SLC8A1: variants seen among roughly 807,000 people sequenced by gnomAD.
SLC8A1 encodes the protein sodium/calcium exchanger 1.
In SLC8A1, 18 loss-of-function variants were observed where a neutral mutation model predicts 68.3. The ratio of observed to expected loss-of-function variants is 0.26; its 90% CI spans 0.18 to 0.39. The LOEUF is 0.39. Among genes scored for constraint, SLC8A1 ranks in the 10% least tolerant of loss-of-function variants. The probability of loss-of-function intolerance (pLI) is 1.00; values close to 1 mark genes in which losing one functional copy is unlikely to be tolerated. For missense variants in SLC8A1, 985 were observed against 1,156.7 expected (o/e 0.85, Z 2.15); for synonymous variants, 475 against 415.5 (o/e 1.14, Z -1.74).
chr2:40,155,782 T>C (rs2044359239), intron 6 of SLC8A1, among the ~76,000 whole-genome samples: 1 of 152,194 alleles, frequency 6.6e-6, no homozygotes, highest in African/African-American at 2.4e-5. Flanking sequence ...GTATCCATAT[T>C]GGACTGGTGG....
intron 6 of SLC8A1, among the ~76,000 whole-genome samples, chr2:40,148,395 TA>T (rs371759841): frequency 1.3e-5 from 2 of 152,326 alleles, no homozygotes; most frequent in African/African-American, 4.8e-5. Flanking sequence ...AACACTCTCA[TA>T]ACTCTTTTCC....
At position 40,441,547 on chromosome 2, in the gene SLC8A1, G is replaced by A. The variant is rs977222486; in HGVS notation, c.-25+10357C>T. On this transcript the variant is annotated intron_variant, in intron 1 of 7. Transcript: ENST00000406785. ...AAGACTACAGTAATCAAAACAGTAC[G>A]GTACGGGTACCAAAACAGACATTAT... Among the ~76,000 whole-genome samples, 8 of 151,746 alleles carry A rather than the reference G, an allele frequency of 5.3e-5. No individual in the cohort carries two copies. The South Asian group carries it at 1.0e-3, about 20-fold the overall frequency.
At chr2:40,397,271 T>A (rs1559516909) in intron 2 of SLC8A1, among the ~76,000 whole-genome samples, 1 of 152,212 alleles carries the variant, frequency 6.6e-6, no homozygotes, top group East Asian at 1.9e-4. Flanking sequence ...TGAGCTAATG[T>A]GCCCATTGAT....
intron 2 of SLC8A1, among the ~76,000 whole-genome samples, chr2:40,369,934 T>C (rs1292262512): frequency 6.6e-6 from 1 of 152,128 alleles, no homozygotes; most frequent in African/African-American, 2.4e-5. Flanking sequence ...ATTTATTCTT[T>C]GTTTTTAATA....
intron 1 of SLC8A1, among the ~76,000 whole-genome samples, chr2:40,431,830 C>T (rs1225957447): frequency 6.6e-6 from 1 of 152,098 alleles, no homozygotes; most frequent in African/African-American, 2.4e-5. Flanking sequence ...CTGCAAACTG[C>T]ACCAGTGCCC....
intron 2 of SLC8A1, among the ~76,000 whole-genome samples, chr2:40,200,239 AATATATATATATATATATATATAT>A (rs1205217029): frequency 5.9e-5 from 1 of 16,832 alleles, no homozygotes; most frequent in Admixed American, 1.0e-3. Flanking sequence ...TATATATATA[AATATATATATATATATATATATAT>A]ATATAACCTC....
intron 1 of SLC8A1, among the ~76,000 whole-genome samples, chr2:40,459,812 T>G (rs982319737): frequency 1.3e-5 from 2 of 152,072 alleles, no homozygotes; most frequent in Admixed American, 1.3e-4. Context: ...GGGTCCATCA[T>G]ACCTCCTTTT....
At chr2:40,443,527 G>A (rs1006247204) in intron 1 of SLC8A1, among the ~76,000 whole-genome samples, 5 of 152,138 alleles carry the variant, frequency 3.3e-5, no homozygotes, top group African/African-American at 9.7e-5. Flanking sequence ...TCTTAGATAT[G>A]CTGGGGTATG....
exon 8 of SLC8A1, chr2:40,114,173 G>T (rs909168791): frequency 2.6e-5 from 4 of 152,796 alleles, no homozygotes; most frequent in Non-Finnish European, 4.4e-5. Context: ...CATGCACTGT[G>T]TAACAGGTAT....
rs554802296 is a variant in SLC8A1 at position 40,299,678 on chromosome 2, G to T, written c.1809-121823C>A. Among the ~76,000 whole-genome samples the T allele has an allele frequency of 1.4e-4, 21 of 152,226 alleles. No individual in the cohort carries two copies. The South Asian group carries it at 4.4e-3, about 32-fold the overall frequency. On this transcript the variant is annotated intron_variant, in intron 2 of 7. Transcript: ENST00000406785. ...ATCCTCCCCCACCTTCAATGCCATT[G>T]CTCTATGCTACACCTGCAACAGCTT...
intron 2 of SLC8A1, among the ~76,000 whole-genome samples, chr2:40,335,663 T>C (rs1375812376): frequency 6.6e-6 from 1 of 152,270 alleles, no homozygotes; most frequent in Non-Finnish European, 1.5e-5. Context: ...GTGTTTTCCA[T>C]GGCCCACAGG....
chr2:40,340,775 G>C (rs986455813), intron 2 of SLC8A1, among the ~76,000 whole-genome samples: 1 of 152,120 alleles, frequency 6.6e-6, no homozygotes, highest in Non-Finnish European at 1.5e-5. Flanking sequence ...GTGAGAGTAA[G>C]GAAAACGGAA....
chr2:40,282,776 TA>T (rs1217394697), intron 2 of SLC8A1, among the ~76,000 whole-genome samples: 1 of 152,068 alleles, frequency 6.6e-6, no homozygotes, highest in African/African-American at 2.4e-5. Context: ...GAACAGCTAT[TA>T]AAAGTATCCA....
chr2:40,432,841 C>G (rs568026441), intron 1 of SLC8A1, among the ~76,000 whole-genome samples: 51 of 152,094 alleles, frequency 3.4e-4, no homozygotes, highest in African/African-American at 1.2e-3. Flanking sequence ...AGGGTGGAAA[C>G]AAGGAGACCA....
chr2:40,143,545 G>T (rs529232420), intron 6 of SLC8A1, among the ~76,000 whole-genome samples: 1 of 152,234 alleles, frequency 6.6e-6, no homozygotes, highest in African/African-American at 2.4e-5. Flanking sequence ...ACCTGTATTT[G>T]ATTAACCCTT....
chr2:40,376,583 A>AAACGGG (rs1679939883), intron 2 of SLC8A1, among the ~76,000 whole-genome samples: 2 of 151,910 alleles, frequency 1.3e-5, no homozygotes, highest in Non-Finnish European at 2.9e-5. Context: ...AAAAGAAAGG[A>AAACGGG]AAAGGGAAAG....
chr2:40,332,022 T>G (rs1489760524), intron 2 of SLC8A1, among the ~76,000 whole-genome samples: 1 of 152,050 alleles, frequency 6.6e-6, no homozygotes, highest in Non-Finnish European at 1.5e-5. Flanking sequence ...TGATCACAGT[T>G]CACTGTAACC....
At position 40,413,316 on chromosome 2, in the gene SLC8A1, G is replaced by A. The variant is rs1033982091; in HGVS notation, c.1808+15157C>T. On this transcript the variant is annotated intron_variant, in intron 2 of 7. Coordinates refer to ENST00000406785, the Ensembl canonical transcript of SLC8A1. ...ACACATGCACACATATGTTTATTGCGGCACTATTCACAATAGCAAAGACTT... is the reference window on the plus strand; with the variant it reads ...ACACATGCACACATATGTTTATTGCAGCACTATTCACAATAGCAAAGACTT... Among the ~76,000 whole-genome samples the A allele has an allele frequency of 3.3e-5, 5 of 152,078 alleles. No homozygotes were observed. The East Asian group carries it at 7.7e-4, about 24-fold the overall frequency.
At chr2:40,218,388 C>G (rs566707970) in intron 2 of SLC8A1, among the ~76,000 whole-genome samples, 7 of 152,194 alleles carry the variant, frequency 4.6e-5, no homozygotes, top group Admixed American at 4.6e-4. Context: ...AAGACTGTTT[C>G]TAAATAACAA....
Sources: gnomAD v4.1 joint callset for allele counts (sites outside exome capture counted in the v4.1 genomes callset) on GRCh38, gnomAD v4.1.1 for gene constraint, MANE v1.5 for transcripts, NCBI Gene and HGNC (gene_info 2026-07-23, HGNC 2026-07-21) for gene names.